The following MDN1 variants were observed in gnomAD, a reference collection of about 807,000 sequenced individuals.
The protein encoded by MDN1 is midasin.
Under a neutral mutation model 669.2 loss-of-function variants are expected in MDN1, and 266 were observed. The observed-to-expected ratio is 0.40, with a 90% confidence interval of 0.36 to 0.44. The LOEUF is 0.44. Ranked by LOEUF, MDN1 falls within the 20% of genes least tolerant of loss-of-function variation. MDN1 has a pLI of 1.00. For synonymous variants in MDN1, 2,385 were observed against 2,457.1 expected (o/e 0.97, Z 0.87); for missense variants, 5,940 against 6,754.0 (o/e 0.88, Z 4.22).
At chr6:89,792,030 G>A (rs1347332026) in intron 5 of MDN1, among the ~76,000 whole-genome samples, 1 of 151,726 alleles carries the variant, frequency 6.6e-6, no homozygotes, top group Non-Finnish European at 1.5e-5. Context: ...ACCAAGCCCG[G>A]CTAATTTTTT....
At chr6:89,818,763 C>A (rs1435108571) in intron 1 of MDN1, among the ~76,000 whole-genome samples, 1 of 151,066 alleles carries the variant, frequency 6.6e-6, no homozygotes, top group African/African-American at 2.4e-5. Context: ...AAGCCGAGAT[C>A]GCGCCACTGC....
In MDN1 at chr6:89,674,218, T is replaced by C; in HGVS notation, c.13133A>G (p.His4378Arg). 6.2e-7 allele frequency: 1 copy of C among 1,614,178 alleles called. No individual in the cohort carries two copies. Among genetic ancestry groups the C allele is most frequent in the Non-Finnish European group, 8.5e-7 (1 of 1,180,034 alleles). ...TCTCGTAGTTGACTGTTGCCAAAGG[T>C]GATCCTGTTTCCGCATCCGGCAACC... ...PSGCRMRKQD[H>R]LWQQSTTRLT... The change falls in exon 79 of 102, where the codon CAC becomes CGC. Residue 4378 changes from histidine to arginine, a missense_variant. This residue lies in a region of MDN1 where 2,280 missense variants were observed against 2,576.3 expected (regional missense o/e 0.88). Transcript: ENST00000369393.
intron 86 of MDN1, 104 bp from the exon 87 acceptor site, chr6:89,662,343 T>C: frequency 4.2e-6 from 5 of 1,183,156 alleles, no homozygotes; most frequent in Non-Finnish European, 5.8e-6. Context: ...ATTGGACCTA[T>C]CCCATGGATG....
chr6:89,791,495 AGAAATATAAAT>A (rs1819266700), intron 5 of MDN1, among the ~76,000 whole-genome samples: 1 of 152,198 alleles, frequency 6.6e-6, no homozygotes, highest in Admixed American at 6.5e-5. Flanking sequence ...GTAGTCATGC[AGAAATATAAAT>A]GAAATGTAAT....
At chr6:89,748,851 G>A (rs1039606931) in intron 26 of MDN1, among the ~76,000 whole-genome samples, 5 of 151,888 alleles carry the variant, frequency 3.3e-5, no homozygotes, top group East Asian at 1.9e-4. Context: ...CTTGAGCCCA[G>A]GAGTTCGAGA....
At chr6:89,782,877 G>A (rs189693293) in intron 9 of MDN1, among the ~76,000 whole-genome samples, 1 of 152,094 alleles carries the variant, frequency 6.6e-6, no homozygotes, top group African/African-American at 2.4e-5. Flanking sequence ...AATAAATTGC[G>A]AAGATTTCAT....
At position 89,774,994 on chromosome 6, in the gene MDN1, T is replaced by C. The variant is rs1818284347; in HGVS notation, c.1822-261A>G. On this transcript the variant is annotated intron_variant, in intron 12 of 101. Transcript: ENST00000369393. The stretch of plus-strand genomic sequence containing the variant: ...TATATATGGAGTGAACACACTGATA[T>C]ATCCAATAGAGAAAGTGAACAGTAA... 6.6e-5 allele frequency among the ~76,000 whole-genome samples: 10 copies of C among 152,302 alleles called. No homozygotes were observed. The South Asian group carries it at 2.1e-3, about 32-fold the overall frequency.
intron 85 of MDN1, among the ~76,000 whole-genome samples, chr6:89,663,872 G>A (rs1809989339): frequency 6.6e-6 from 1 of 151,892 alleles, no homozygotes; most frequent in East Asian, 1.9e-4. Context: ...AACCCGAGAG[G>A]TGGAGCTTGC....
At chr6:89,737,682 C>G (rs1816064397) in intron 33 of MDN1, among the ~76,000 whole-genome samples, 1 of 150,496 alleles carries the variant, frequency 6.6e-6, no homozygotes, top group Non-Finnish European at 1.5e-5. Flanking sequence ...GAGATGGAGT[C>G]TGTCGCCCAG....
intron 1 of MDN1, among the ~76,000 whole-genome samples, chr6:89,818,928 CAGTG>C (rs1769055653): frequency 6.6e-6 from 1 of 152,168 alleles, no homozygotes; most frequent in African/African-American, 2.4e-5. Context: ...TAGTTAGTTA[CAGTG>C]AGTATGAGCT....
chr6:89,705,417 G>A (rs2128310783), intron 53 of MDN1, among the ~76,000 whole-genome samples: 1 of 152,094 alleles, frequency 6.6e-6, no homozygotes, highest in Non-Finnish European at 1.5e-5. Flanking sequence ...AGAATAATCT[G>A]GATTAAAAAT....
At position 89,656,752 on chromosome 6, in the gene MDN1, G is replaced by A. The variant is rs115791795; in HGVS notation, c.15233C>T (p.Ser5078Leu). The change falls in exon 91 of 102, where the codon TCG (serine) becomes TTG (leucine). Residue 5078 changes from serine (S) to leucine (L), a missense_variant. This residue lies in a region of MDN1 where 2,280 missense variants were observed against 2,576.3 expected (regional missense o/e 0.88). Coordinates refer to ENST00000369393, the MANE Select transcript of MDN1 (RefSeq NM_014611.3). ...ADANQAEGHE[S>L]NFIAQLASQK... ...GGAGGCCAACTGGGCAATGAAATTC[G>A]ATTCATGGCCTTCTGCCTGGTTTGC... 509 of 1,613,416 alleles carry A rather than the reference G, an allele frequency of 3.2e-4. 1 individual carries two copies. The African/African-American group carries it at 6.2e-3, about 20-fold the overall frequency.
In MDN1 at chr6:89,696,448, C is replaced by T; in HGVS notation, c.9295G>A (p.Gly3099Arg). The change falls in exon 60 of 102, where the codon GGA becomes AGA. Residue 3099 changes from glycine to arginine, a missense_variant. Transcript: ENST00000369393. ...TGCTGAGTTCTCTCAACCCACTCTC[C>T]TAGGGTCACGTGAGAGGAGGAAAGA... The part of the protein sequence containing the change: ...PILSSSHVTL[G>R]EWVERTQQLQ... 1 of 1,614,178 alleles carries T rather than the reference C, an allele frequency of 6.2e-7. No individual in the cohort carries two copies. The highest frequency in any genetic ancestry group is 1.7e-4 in the Middle Eastern group (1 of 6,058).
At chr6:89,776,920 C>A (rs998118675) in intron 11 of MDN1, among the ~76,000 whole-genome samples, 1 of 151,898 alleles carries the variant, frequency 6.6e-6, no homozygotes, top group Non-Finnish European at 1.5e-5. Context: ...GAAATACTTG[C>A]CAAATAAAAA....
intron 32 of MDN1, among the ~76,000 whole-genome samples, chr6:89,738,953 C>T (rs1221700786): frequency 6.6e-6 from 1 of 152,248 alleles, no homozygotes; most frequent in Non-Finnish European, 1.5e-5. Flanking sequence ...TGTTTAGCCA[C>T]TCCAGTCTTA....
chr6:89,780,353 A>C (rs1012796916), intron 10 of MDN1, 60 bp from the exon 11 acceptor site: 10 of 1,103,062 alleles, frequency 9.1e-6, no homozygotes, highest in Non-Finnish European at 1.2e-5. Context: ...AAGACATCAA[A>C]GGCATCAGAA....
At chr6:89,773,628 C>G (rs1275075416) in intron 13 of MDN1, among the ~76,000 whole-genome samples, 1 of 151,472 alleles carries the variant, frequency 6.6e-6, no homozygotes, top group East Asian at 1.9e-4. Flanking sequence ...TAGAGTGATA[C>G]AACTACAAGC....
At chr6:89,738,568 T>A (rs1346340883) in intron 32 of MDN1, 113 bp from the exon 33 acceptor site, 16 of 1,112,286 alleles carry the variant, frequency 1.4e-5, no homozygotes, top group Non-Finnish European at 1.9e-5. Context: ...TACACACTTT[T>A]AAAAATTATT....
At chr6:89,786,224 C>T (rs1048897029) in intron 8 of MDN1, among the ~76,000 whole-genome samples, 5 of 152,016 alleles carry the variant, frequency 3.3e-5, no homozygotes, top group Non-Finnish European at 7.4e-5. Context: ...TGCCACTGCA[C>T]TCCAGCTTGG....
Sources: allele counts gnomAD v4.1 joint callset (sites outside exome capture counted in the v4.1 genomes callset), GRCh38; gene constraint gnomAD v4.1.1; regional missense constraint gnomAD v4.1.1; transcripts MANE v1.5; gene names NCBI Gene and HGNC (gene_info 2026-07-23, HGNC 2026-07-21).